CPS1: variants seen among roughly 807,000 people sequenced by gnomAD.
CPS1 encodes carbamoyl-phosphate synthase [ammonia], mitochondrial.
CPS1 carries 109 observed loss-of-function variants against 174.6 expected under a neutral mutation model. That is an observed-to-expected ratio of 0.62 (90% CI 0.53 to 0.73). The LOEUF (loss-of-function observed/expected upper bound fraction) is 0.73, where lower values mean the gene tolerates loss of function less well. Among genes scored for constraint, CPS1 ranks in the 30% least tolerant of loss-of-function variants. The pLI is 0.00. For missense variants in CPS1, 1,689 were observed against 1,821.9 expected (o/e 0.93, Z 1.33); for synonymous variants, 637 against 632.0 (o/e 1.01, Z -0.12).
At chr2:210,648,736 T>C (rs1286780730) in intron 27 of CPS1, among the ~76,000 whole-genome samples, 196 bp downstream of exon 27, 1 of 152,180 alleles carries the variant, frequency 6.6e-6, no homozygotes, top group Non-Finnish European at 1.5e-5. Flanking sequence ...GGAGTGGCCA[T>C]AGGAAGACTA....
At chr2:210,520,153 A>G (rs1293534575) in intron 1 of CPS1, among the ~76,000 whole-genome samples, 2 of 152,048 alleles carry the variant, frequency 1.3e-5, no homozygotes, top group African/African-American at 4.8e-5. Flanking sequence ...TAAAACACAT[A>G]TATTTTAGAA....
chr2:210,493,439 G>C (rs892634497), intron 1 of CPS1, among the ~76,000 whole-genome samples: 4 of 152,150 alleles, frequency 2.6e-5, no homozygotes, highest in Admixed American at 2.6e-4. Context: ...TCCAAGTCAG[G>C]TGCTCAGTGT....
At chr2:210,575,881 T>C (rs1177268418) in intron 2 of CPS1, among the ~76,000 whole-genome samples, 3 of 152,076 alleles carry the variant, frequency 2.0e-5, no homozygotes, top group African/African-American at 7.2e-5. Context: ...CTCTTCAGTA[T>C]CCTAAAAAAT....
At position 210,523,199 on chromosome 2, in the gene CPS1, T is replaced by C. The variant is rs562536686; in HGVS notation, c.4-33520T>C. Among the ~76,000 whole-genome samples the C allele has an allele frequency of 2.6e-5, 4 of 152,128 alleles. No homozygotes were observed. The South Asian group carries it at 8.3e-4, about 31-fold the overall frequency. On this transcript the variant is annotated intron_variant, in intron 1 of 38. Transcript: ENST00000430249. ...TCTTTATGTTTTTTCTGGACCTCAC[T>C]GTCTGTAGAGAGAACCAACTGGAAA...
chr2:210,544,561 A>G (rs1265435738), intron 1 of CPS1, among the ~76,000 whole-genome samples: 1 of 152,080 alleles, frequency 6.6e-6, no homozygotes, highest in Non-Finnish European at 1.5e-5. Flanking sequence ...GCTTAACTCT[A>G]TGTAACATTT....
intron 1 of CPS1, among the ~76,000 whole-genome samples, chr2:210,510,894 A>C (rs937893581): frequency 3.3e-5 from 5 of 152,214 alleles, no homozygotes; most frequent in Non-Finnish European, 7.3e-5. Flanking sequence ...GGTGCTGAAG[A>C]GGATGTGGAG....
At chr2:210,534,970 G>C (rs1415587496) in intron 1 of CPS1, among the ~76,000 whole-genome samples, 1 of 152,146 alleles carries the variant, frequency 6.6e-6, no homozygotes, top group Admixed American at 6.5e-5. Flanking sequence ...CTCATGTATA[G>C]CATCTGGTGT....
intron 7 of CPS1, among the ~76,000 whole-genome samples, chr2:210,588,421 T>G (rs1698179978): frequency 6.6e-6 from 1 of 152,078 alleles, no homozygotes; most frequent in African/African-American, 2.4e-5. Flanking sequence ...ACTGACAGTC[T>G]GAGATGCATC....
chr2:210,600,672 A>G lies in CPS1; in HGVS notation c.1667A>G (p.Glu556Gly), dbSNP rs1479823672. The G allele has an allele frequency of 1.2e-6, 2 of 1,612,206 alleles. No homozygotes were observed. The highest frequency in any genetic ancestry group is 2.7e-5 in the African/African-American group (2 of 74,890). Reference protein sequence around the residue: ...DRQLFSDKLNEINEKIAPSFA... With the variant: ...DRQLFSDKLNGINEKIAPSFA... ...CAGCTGTTTTCAGATAAACTAAATG[A>G]GATCAATGAAAAGATTGCTCCAAGT... is the stretch of plus-strand genomic sequence containing the variant. The change falls in exon 15 of 38, where the codon GAG (glutamate) becomes GGG (glycine). Residue 556 changes from glutamate (E) to glycine (G), a missense_variant. Glu to Gly is a moderately conservative substitution (Grantham distance 98, BLOSUM62 -2). Coordinates refer to ENST00000233072, the MANE Select transcript of CPS1 (RefSeq NM_001875.5).
chr2:210,599,119 A>C (rs1698609986), intron 13 of CPS1, among the ~76,000 whole-genome samples: 1 of 151,864 alleles, frequency 6.6e-6, no homozygotes, highest in Non-Finnish European at 1.5e-5. Flanking sequence ...CTTTGCCAAC[A>C]GTGGCAAAGA....
chr2:210,513,121 T>G lies in CPS1; in HGVS notation c.3+35355T>G, dbSNP rs555245891. ...ATATATGGGGATATATATATGGAGA[T>G]ATATATATATGGAGATATATATATG... On this transcript the variant is annotated intron_variant, in intron 1 of 38. Coordinates refer to the CPS1 transcript ENST00000430249. Among the ~76,000 whole-genome samples, 5 of 91,836 alleles carry G rather than the reference T, an allele frequency of 5.4e-5. No individual in the cohort carries two copies. The Admixed American group carries it at 6.2e-4, about 11-fold the overall frequency. 60.2% of individuals were successfully genotyped at this position (91,836 alleles called of 152,430 possible). A position where few individuals can be genotyped will look rare whatever the true frequency, so the allele number is the denominator to read the frequency against.
In CPS1 at chr2:210,485,441, A is replaced by G. The variant is rs578009064; in HGVS notation, c.3+7675A>G. On this transcript the variant is annotated intron_variant, in intron 1 of 38. Transcript: ENST00000430249. ...TCCTCCTTCCTGTTTTCCACTGACA[A>G]TCTCTGTTTCCTAGCCATGGACAAT... 2.0e-5 allele frequency among the ~76,000 whole-genome samples: 3 copies of G among 152,114 alleles called. No homozygotes were observed. In the South Asian group the frequency reaches 6.2e-4, roughly 32 times the overall value.
At chr2:210,650,653 T>C (rs1312400528) in intron 28 of CPS1, among the ~76,000 whole-genome samples, 1 of 152,186 alleles carries the variant, frequency 6.6e-6, no homozygotes, top group African/African-American at 2.4e-5. Flanking sequence ...AAATTATAAC[T>C]AGACTTTTAA....
At chr2:210,518,713 G>C (rs1252298189) in intron 1 of CPS1, among the ~76,000 whole-genome samples, 1 of 151,814 alleles carries the variant, frequency 6.6e-6, no homozygotes, top group Admixed American at 6.6e-5. Context: ...ATTAAGCTTC[G>C]GCTATTTTTT....
chr2:210,675,685 A>C (rs766639380), intron 35 of CPS1, 43 bp from the exon 36 acceptor site: 1 of 917,864 alleles, frequency 1.1e-6, no homozygotes, highest in Non-Finnish European at 1.8e-6. Context: ...AAAAATAAGA[A>C]ATCACTGTGA....
At position 210,663,636 on chromosome 2, in the gene CPS1, G is replaced by A. The variant is rs998329616; in HGVS notation, c.4002+439G>A. 3.6e-4 allele frequency among the ~76,000 whole-genome samples: 55 copies of A among 151,954 alleles called. 2 individuals carry two copies. Among genetic ancestry groups the A allele is most frequent in the Non-Finnish European group, 1.5e-5 (1 of 68,006 alleles). The stretch of plus-strand genomic sequence containing the variant: ...CATAGACCTAAACATTGTGGAATCT[G>A]CAGATACATGCAAAATTTTAGGACT... On this transcript the variant is annotated intron_variant, in intron 33 of 37. Coordinates refer to ENST00000233072, the MANE Select transcript of CPS1 (RefSeq NM_001875.5).
At position 210,660,672 on chromosome 2, in the gene CPS1, T is replaced by C. The variant is rs1441785887; in HGVS notation, c.3927+17T>C. 2 of 1,609,176 alleles carry C rather than the reference T, an allele frequency of 1.2e-6. No homozygotes were observed. The highest frequency in any genetic ancestry group is 1.7e-6 in the Non-Finnish European group (2 of 1,175,538). On this transcript the variant is annotated intron_variant, in intron 32 of 37. Coordinates refer to ENST00000233072, the MANE Select transcript of CPS1 (RefSeq NM_001875.5). ...GCAATTAAGGTAACATTTTCAAAAA[T>C]TTATTAGTCATTTTATGAGTTCTAG...
At chr2:210,510,460 A>AGGCATG (rs1225239468) in intron 1 of CPS1, among the ~76,000 whole-genome samples, 1 of 152,168 alleles carries the variant, frequency 6.6e-6, no homozygotes, top group Non-Finnish European at 1.5e-5. Flanking sequence ...TTCAGGACAT[A>AGGCATG]GGCATGGGCA....
chr2:210,633,552 C>T (rs1455159941), intron 21 of CPS1, among the ~76,000 whole-genome samples: 1 of 152,086 alleles, frequency 6.6e-6, no homozygotes, highest in Non-Finnish European at 1.5e-5. Flanking sequence ...TACTACATTC[C>T]TGAATGAAAA....
Sources: allele counts gnomAD v4.1 joint callset (sites outside exome capture counted in the v4.1 genomes callset), GRCh38; gene constraint gnomAD v4.1.1; transcripts MANE v1.5; gene names NCBI Gene and HGNC (gene_info 2026-07-23, HGNC 2026-07-21).